The following SPATA16 variants were observed in gnomAD, a reference collection of about 807,000 sequenced individuals.
SPATA16 encodes the protein spermatogenesis associated 16.
SPATA16 carries 36 observed loss-of-function variants against 63.3 expected under a neutral mutation model. The observed-to-expected ratio is 0.57, with a 90% CI of 0.44 to 0.75. The LOEUF (loss-of-function observed/expected upper bound fraction) is 0.75. SPATA16 is among the 30% of genes least tolerant of loss of function. SPATA16 has a pLI of 0.00. For missense variants in SPATA16, 646 were observed against 679.3 expected (o/e 0.95, Z 0.54); for synonymous variants, 203 against 216.7 (o/e 0.94, Z 0.56).
At chr3:173,095,610 T>C (rs772711447) in intron 2 of SPATA16, among the ~76,000 whole-genome samples, 2 of 152,160 alleles carry the variant, frequency 1.3e-5, no homozygotes, top group Non-Finnish European at 2.9e-5. Context: ...TAATTCCAAG[T>C]TGGGTATCAT....
intron 3 of SPATA16, among the ~76,000 whole-genome samples, chr3:173,033,326 G>C (rs116221509): frequency 1.3e-5 from 2 of 152,002 alleles, no homozygotes; most frequent in Non-Finnish European, 2.9e-5. Flanking sequence ...TTGTAATCCC[G>C]AGTCTGTCTG....
intron 2 of SPATA16, among the ~76,000 whole-genome samples, chr3:173,095,806 C>T (rs980701057): frequency 2.6e-5 from 4 of 152,170 alleles, no homozygotes; most frequent in Non-Finnish European, 5.9e-5. Flanking sequence ...TGTGCTACCA[C>T]ATGCTACTCA....
chr3:172,922,766 C>CA (rs1249721396), intron 8 of SPATA16, among the ~76,000 whole-genome samples: 1 of 151,812 alleles, frequency 6.6e-6, no homozygotes, highest in Admixed American at 6.6e-5. Flanking sequence ...ACTAAAAATA[C>CA]AAAAAAATTA....
intron 10 of SPATA16, among the ~76,000 whole-genome samples, chr3:172,909,514 G>A (rs1014579696): frequency 1.2e-4 from 18 of 152,184 alleles, no homozygotes; most frequent in East Asian, 3.9e-4. Context: ...ATTTTGCCAC[G>A]CTGTTTAAAG....
At chr3:173,088,542 T>C in intron 2 of SPATA16, among the ~76,000 whole-genome samples, 1 of 152,234 alleles carries the variant, frequency 6.6e-6, no homozygotes, top group East Asian at 1.9e-4. Flanking sequence ...CTTATGATTA[T>C]ATAGATTTGT....
chr3:173,097,539 A>G (rs770444553), intron 2 of SPATA16, among the ~76,000 whole-genome samples: 24 of 152,200 alleles, frequency 1.6e-4, no homozygotes, highest in Non-Finnish European at 3.4e-4. Context: ...GCTTCATTAA[A>G]AGGAAAAAGG....
At chr3:173,028,023 T>TTTCCTTCCTTCTTTCC (rs1735502750) in intron 3 of SPATA16, among the ~76,000 whole-genome samples, 1 of 36,656 alleles carries the variant, frequency 2.7e-5, no homozygotes, top group African/African-American at 1.2e-4. Flanking sequence ...CCCTTCCTTC[T>TTTCCTTCCTTCTTTCC]TTCCTTCCTT....
At chr3:172,941,884 G>A (rs183286401) in intron 6 of SPATA16, among the ~76,000 whole-genome samples, 63 of 152,028 alleles carry the variant, frequency 4.1e-4, no homozygotes, top group African/African-American at 1.3e-3. Context: ...GGTGATTTTC[G>A]TTAAAGTATT....
intron 2 of SPATA16, among the ~76,000 whole-genome samples, chr3:173,115,446 T>C (rs1473624333): frequency 2.6e-5 from 4 of 152,216 alleles, no homozygotes; most frequent in African/African-American, 9.6e-5. Context: ...TTAGCATTCT[T>C]TTCCTAGACG....
At chr3:173,103,685 G>A (rs1737548900) in intron 2 of SPATA16, among the ~76,000 whole-genome samples, 1 of 152,230 alleles carries the variant, frequency 6.6e-6, no homozygotes, top group Non-Finnish European at 1.5e-5. Flanking sequence ...CTCAAGGCCT[G>A]TGATAGGAGG....
chr3:173,049,051 G>A lies in SPATA16; in HGVS notation c.656C>T (p.Pro219Leu). ...GAVLGEPFDA[P>L]AEDIASVASF... ...TGCCACGCTTGCTATATCTTCAGCA[G>A]GTGCATCAAATGGTTCTCCCAGAAC... is the stretch of plus-strand genomic sequence containing the variant. The change falls in exon 3 of 11, where the codon CCT becomes CTT. Residue 219 changes from proline to leucine, a missense_variant. Pro to Leu is a moderately conservative substitution (Grantham distance 98). Coordinates refer to ENST00000351008, the MANE Select transcript of SPATA16 (RefSeq NM_031955.6). The A allele has an allele frequency of 6.2e-7, 1 of 1,613,702 alleles. No individual in the cohort carries two copies. Among genetic ancestry groups the A allele is most frequent in the South Asian group, 1.1e-5 (1 of 91,076 alleles).
intron 6 of SPATA16, among the ~76,000 whole-genome samples, chr3:172,942,586 A>G (rs1427138174): frequency 6.6e-6 from 1 of 152,018 alleles, no homozygotes; most frequent in Non-Finnish European, 1.5e-5. Flanking sequence ...ACCTACCACT[A>G]TTTTGGATTA....
intron 3 of SPATA16, among the ~76,000 whole-genome samples, chr3:173,028,347 C>T (rs776781230): frequency 1.3e-5 from 2 of 151,580 alleles, no homozygotes; most frequent in Non-Finnish European, 2.9e-5. Context: ...AGCATCATTT[C>T]GTAGATTATA....
intron 2 of SPATA16, among the ~76,000 whole-genome samples, chr3:173,065,119 T>C (rs896694679): frequency 1.3e-5 from 2 of 152,228 alleles, no homozygotes; most frequent in African/African-American, 2.4e-5. Context: ...TCAGATCAAA[T>C]AAGCTTGTGA....
chr3:173,061,530 C>G (rs2108300804), intron 2 of SPATA16, among the ~76,000 whole-genome samples: 1 of 152,322 alleles, frequency 6.6e-6, no homozygotes, highest in African/African-American at 2.4e-5. Flanking sequence ...TAGCCACCAT[C>G]CTAACCTGCA....
chr3:172,935,428 A>T lies in SPATA16; in HGVS notation c.1082-9936T>A, dbSNP rs1265793826. ...GCAGTATATTGTAAACAATGGTTTG[A>T]TCCATAATAGAAAAAACATAAAATA... On this transcript the variant is annotated intron_variant, in intron 6 of 10. Transcript: ENST00000351008. Among the ~76,000 whole-genome samples the T allele has an allele frequency of 3.9e-5, 6 of 152,384 alleles. No homozygotes were observed. In the East Asian group the frequency reaches 1.2e-3, roughly 29 times the overall value.
At chr3:172,965,596 T>G (rs185977011) in intron 5 of SPATA16, among the ~76,000 whole-genome samples, 1 of 152,246 alleles carries the variant, frequency 6.6e-6, no homozygotes, top group East Asian at 1.9e-4. Context: ...AGTTTCAGCT[T>G]TGCCTGGCAA....
chr3:172,911,449 T>G (rs1194015694), intron 10 of SPATA16, among the ~76,000 whole-genome samples: 1 of 152,194 alleles, frequency 6.6e-6, no homozygotes, highest in Non-Finnish European at 1.5e-5. Context: ...CCCGAAGACA[T>G]GGTGGTTGCT....
At chr3:173,025,686 A>T (rs1401396647) in intron 3 of SPATA16, among the ~76,000 whole-genome samples, 1 of 151,926 alleles carries the variant, frequency 6.6e-6, no homozygotes, top group Admixed American at 6.6e-5. Flanking sequence ...TCTCTAGAAT[A>T]TCACTTAAAT....
Sources: allele counts gnomAD v4.1 joint callset (sites outside exome capture counted in the v4.1 genomes callset), GRCh38; gene constraint gnomAD v4.1.1; transcripts MANE v1.5; gene names NCBI Gene and HGNC (gene_info 2026-07-23, HGNC 2026-07-21).